DNAH8: variants seen among roughly 807,000 people sequenced by gnomAD.
DNAH8 encodes dynein axonemal heavy chain 8.
In DNAH8, 382 loss-of-function variants were observed where a neutral mutation model predicts 562.1. That is an observed-to-expected ratio of 0.68 (90% CI 0.63 to 0.74). The LOEUF is 0.74. Ranked by LOEUF, DNAH8 falls within the 30% of genes least tolerant of loss-of-function variation. The probability of loss-of-function intolerance (pLI) is 0.00; values close to 1 mark genes in which losing one functional copy is unlikely to be tolerated. For missense variants in DNAH8, 5,203 were observed against 5,620.4 expected (o/e 0.93, Z 2.37); for synonymous variants, 1,881 against 1,919.4 (o/e 0.98, Z 0.52).
chr6:38,790,235 A>G lies in DNAH8; in HGVS notation c.2665-54A>G. 3 of 913,552 alleles carry G rather than the reference A, an allele frequency of 3.3e-6. No individual in the cohort carries two copies. In the East Asian group the frequency reaches 7.2e-5, roughly 22 times the overall value. 56.6% of individuals were successfully genotyped at this position (913,552 alleles called of 1,614,324 possible). On this transcript the variant is annotated intron_variant, in intron 19 of 92. Transcript: ENST00000327475. ...TTGTAGGTGATAAATCCTCTTCTAT[A>G]AGTGCAGATGCTCCTGTTGATAATA...
At chr6:39,004,851 C>T (rs1051070196) in intron 88 of DNAH8, among the ~76,000 whole-genome samples, 1 of 152,160 alleles carries the variant, frequency 6.6e-6, no homozygotes, top group Admixed American at 6.5e-5. Flanking sequence ...CATGTTGTAG[C>T]GTATATTAAT....
chr6:38,854,976 A>G (rs1338493236), intron 41 of DNAH8, among the ~76,000 whole-genome samples: 3 of 148,638 alleles, frequency 2.0e-5, no homozygotes, highest in Non-Finnish European at 3.0e-5. Context: ...AATACTATAT[A>G]TATAATACAA....
chr6:38,723,210 A>G lies in DNAH8; in HGVS notation c.390+11A>G. Reference sequence around the variant, plus strand: ...TTAAAAGAGAGACAGGTTTGCTTCTAATACGATTTTTCATGTGTGCCACTT... The same window carrying G: ...TTAAAAGAGAGACAGGTTTGCTTCTGATACGATTTTTCATGTGTGCCACTT... On this transcript the variant is annotated intron_variant, in intron 2 of 92. Transcript: ENST00000327475. 1 of 1,596,864 alleles carries G rather than the reference A, an allele frequency of 6.3e-7. No individual in the cohort carries two copies. The highest frequency in any genetic ancestry group is 1.8e-5 in the Admixed American group (1 of 57,048).
At chr6:38,929,692 AGAAAG>A (rs2150573936) in intron 75 of DNAH8, 26 bp downstream of exon 75, 5 of 1,420,186 alleles carry the variant, frequency 3.5e-6, no homozygotes, top group Admixed American at 5.0e-5. Context: ...AAAAAAAAAA[AGAAAG>A]AAAGAAAGAA....
chr6:38,931,569 AC>A (rs1216395524), intron 75 of DNAH8, among the ~76,000 whole-genome samples: 2 of 152,142 alleles, frequency 1.3e-5, no homozygotes, highest in Non-Finnish European at 2.9e-5. Context: ...GTTTTGGATA[AC>A]TTTTTCATTT....
intron 8 of DNAH8, among the ~76,000 whole-genome samples, chr6:38,744,641 G>T (rs1445326772): frequency 6.6e-6 from 1 of 151,940 alleles, no homozygotes; most frequent in East Asian, 1.9e-4. Flanking sequence ...CACTTAGGCT[G>T]GAGTGCAGTG....
At chr6:38,760,893 A>C (rs1203172596) in intron 10 of DNAH8, among the ~76,000 whole-genome samples, 8 of 152,050 alleles carry the variant, frequency 5.3e-5, no homozygotes. Context: ...TGTGAGCCAA[A>C]TAAACCTCTT....
At chr6:38,764,958 C>A (rs919127876) in intron 11 of DNAH8, among the ~76,000 whole-genome samples, 23 of 152,144 alleles carry the variant, frequency 1.5e-4, no homozygotes, top group African/African-American at 5.3e-4. Context: ...TTTCAGCCTC[C>A]TGAGTAGCTG....
chr6:38,917,155 T>A (rs1583346441), intron 68 of DNAH8, 84 bp from the exon 69 acceptor site: 2 of 984,032 alleles, frequency 2.0e-6, no homozygotes, highest in East Asian at 5.9e-5. Context: ...GTTTTCTATC[T>A]TAATTATTGA....
intron 3 of DNAH8, among the ~76,000 whole-genome samples, chr6:38,726,649 C>T (rs966332633): frequency 2.0e-5 from 3 of 151,988 alleles, no homozygotes; most frequent in South Asian, 2.1e-4. Context: ...GAGGGAAAAT[C>T]GTGTACCCAG....
At chr6:38,772,319 C>T (rs932131050) in intron 12 of DNAH8, among the ~76,000 whole-genome samples, 18 of 152,230 alleles carry the variant, frequency 1.2e-4, no homozygotes, top group East Asian at 3.9e-4. Context: ...TGAGCCACCA[C>T]GCCCAGCTGA....
intron 88 of DNAH8, among the ~76,000 whole-genome samples, chr6:38,994,965 C>T (rs1203196299): frequency 1.3e-5 from 2 of 151,806 alleles, no homozygotes; most frequent in East Asian, 1.9e-4. Flanking sequence ...GCTTTCTATT[C>T]TGTTTTCCTT....
At chr6:38,776,062 T>C (rs1179586157) in intron 13 of DNAH8, 111 bp downstream of exon 13, 1 of 726,496 alleles carries the variant, frequency 1.4e-6, no homozygotes, top group Non-Finnish European at 2.3e-6. Context: ...ATTTATGATT[T>C]AAGTTCCTCT....
chr6:38,949,385 G>C (rs1761701493), intron 80 of DNAH8, 67 bp from the exon 81 acceptor site: 2 of 988,036 alleles, frequency 2.0e-6, no homozygotes, highest in African/African-American at 3.2e-5. Flanking sequence ...AGGTGATTCA[G>C]AATCCTTTGT....
At chr6:39,011,891 G>T (rs1766235272) in intron 89 of DNAH8, among the ~76,000 whole-genome samples, 1 of 152,170 alleles carries the variant, frequency 6.6e-6, no homozygotes, top group Non-Finnish European at 1.5e-5. Context: ...ATTGCAAAAA[G>T]AATATCTAAC....
chr6:38,996,701 G>C (rs1765156159), intron 88 of DNAH8, among the ~76,000 whole-genome samples: 1 of 152,194 alleles, frequency 6.6e-6, no homozygotes, highest in Admixed American at 6.5e-5. Flanking sequence ...GGGACTGATA[G>C]GACTTAGCGA....
At chr6:38,838,170 C>A in intron 33 of DNAH8, 128 bp downstream of exon 33, 1 of 595,976 alleles carries the variant, frequency 1.7e-6, no homozygotes, top group Non-Finnish European at 2.9e-6. Context: ...TGAATATTCT[C>A]CTTATTCCAG....
At chr6:38,924,233 C>A in intron 73 of DNAH8, 71 bp downstream of exon 73, 1 of 1,505,660 alleles carries the variant, frequency 6.6e-7, no homozygotes, top group Non-Finnish European at 9.1e-7. Context: ...AGAAACCCGG[C>A]TGGGTGTGGT....
At chr6:38,833,333 G>A (rs1002729066) in intron 31 of DNAH8, among the ~76,000 whole-genome samples, 1 of 151,398 alleles carries the variant, frequency 6.6e-6, no homozygotes, top group Non-Finnish European at 1.5e-5. Context: ...CAGGTCTGAA[G>A]AGTCCCTGAA....
Sources: allele counts gnomAD v4.1 joint callset (sites outside exome capture counted in the v4.1 genomes callset), GRCh38; gene constraint gnomAD v4.1.1; transcripts MANE v1.5; gene names NCBI Gene and HGNC (gene_info 2026-07-23, HGNC 2026-07-21).